The following KDELR2 variants were observed in gnomAD, a reference collection of about 807,000 sequenced individuals.
KDELR2 encodes ER lumen protein-retaining receptor 2.
Under a neutral mutation model 23.9 loss-of-function variants are expected in KDELR2, and 15 were observed. That is an observed-to-expected ratio of 0.63 (90% CI 0.42 to 0.97). The LOEUF (loss-of-function observed/expected upper bound fraction) is 0.97. Among genes scored for constraint, KDELR2 ranks in the 50% least tolerant of loss-of-function variants. The pLI, the probability that KDELR2 is intolerant of heterozygous loss-of-function variation, is 0.00. For missense variants in KDELR2, 272 were observed against 254.6 expected (o/e 1.07, Z -0.46); for synonymous variants, 119 against 106.2 (o/e 1.12, Z -0.74).
At chr7:6,464,016 G>C (rs1785443663) in intron 4 of KDELR2, among the ~76,000 whole-genome samples, 1 of 123,316 alleles carries the variant, frequency 8.1e-6, no homozygotes, top group South Asian at 2.5e-4. Context: ...GACCAACATA[G>C]AGAAACTCCA....
At chr7:6,464,273 T>C (rs1269966756) in intron 4 of KDELR2, among the ~76,000 whole-genome samples, 2 of 104,476 alleles carry the variant, frequency 1.9e-5, no homozygotes, top group Non-Finnish European at 3.7e-5. Flanking sequence ...GTAATCCCAA[T>C]ACTTTGGGAG....
intron 4 of KDELR2, 42 bp downstream of exon 4, chr7:6,466,028 GA>G: frequency 6.2e-7 from 1 of 1,602,772 alleles, no homozygotes; most frequent in Non-Finnish European, 8.5e-7. Flanking sequence ...ACTCCTAAAA[GA>G]ACACGTCACT....
intron 1 of KDELR2, among the ~76,000 whole-genome samples, chr7:6,477,840 G>A (rs867327477): frequency 2.6e-5 from 4 of 152,096 alleles, no homozygotes; most frequent in East Asian, 1.9e-4. Context: ...ATGAGGTGAC[G>A]GAAATAACTA....
At chr7:6,469,294 C>T (rs1785575246) in intron 3 of KDELR2, among the ~76,000 whole-genome samples, 1 of 151,990 alleles carries the variant, frequency 6.6e-6, no homozygotes, top group Non-Finnish European at 1.5e-5. Flanking sequence ...CTTGCTCTGT[C>T]ACCCAGGCTG....
Position 6,463,046 on chromosome 7 carries a change from T to C in KDELR2, c.*95A>G. ...CTATCTGCAACAAAAGAGTTAAGTTTCTGATTTTCCGTATCAAGCATCTTA... is the reference window on the plus strand; with the variant it reads ...CTATCTGCAACAAAAGAGTTAAGTTCCTGATTTTCCGTATCAAGCATCTTA... On this transcript the variant is annotated 3_prime_UTR_variant, in exon 5 of 5. Coordinates refer to ENST00000258739, the MANE Select transcript of KDELR2 (RefSeq NM_006854.4). 1.2e-6 allele frequency: 2 copies of C among 1,614,212 alleles called. No individual in the cohort carries two copies. The highest frequency in any genetic ancestry group is 1.7e-6 in the Non-Finnish European group (2 of 1,180,028).
At chr7:6,464,734 CTTTTTTTT>C (rs201529691) in intron 4 of KDELR2, among the ~76,000 whole-genome samples, 3 of 111,232 alleles carry the variant, frequency 2.7e-5, no homozygotes, top group African/African-American at 9.8e-5. Context: ...TCTTTTTTTT[CTTTTTTTT>C]TTTTTTTTTT....
At chr7:6,482,650 A>T (rs1482520017) in intron 1 of KDELR2, 1 of 458,898 alleles carries the variant, frequency 2.2e-6, no homozygotes, top group Non-Finnish European at 4.5e-6. Context: ...TTTAGAAATA[A>T]ATCAGGTAAA....
chr7:6,483,845 G>T, intron 1 of KDELR2, 122 bp downstream of exon 1: 1 of 748,772 alleles, frequency 1.3e-6, no homozygotes, highest in Non-Finnish European at 1.8e-6. Flanking sequence ...CGTTAGGCCG[G>T]CCGAGGGGGT....
chr7:6,483,098 G>A (rs549217456), intron 1 of KDELR2, among the ~76,000 whole-genome samples: 1 of 152,172 alleles, frequency 6.6e-6, no homozygotes, highest in African/African-American at 2.4e-5. Context: ...GGAAAGACTC[G>A]TTTCACTGCC....
chr7:6,481,522 T>C (rs1217022167), intron 1 of KDELR2, among the ~76,000 whole-genome samples: 1 of 151,886 alleles, frequency 6.6e-6, no homozygotes, highest in Non-Finnish European at 1.5e-5. Flanking sequence ...TGGAAGAAAA[T>C]GAAGAGACTC....
In KDELR2 at chr7:6,465,415, C is replaced by T. The variant is rs146260853; in HGVS notation, c.604+656G>A. ...AGCCAGGATGGTCTCGATCTCCTGA[C>T]CTCATGATCCGCCCGCCTCGGCCTC... On this transcript the variant is annotated intron_variant, in intron 4 of 4. Transcript: ENST00000258739. Among the ~76,000 whole-genome samples, 7 of 151,592 alleles carry T rather than the reference C, an allele frequency of 4.6e-5. No individual in the cohort carries two copies. In the East Asian group the frequency reaches 7.8e-4, roughly 17 times the overall value.
chr7:6,467,472 C>T (rs1337868135), intron 3 of KDELR2, among the ~76,000 whole-genome samples: 1 of 152,076 alleles, frequency 6.6e-6, no homozygotes, highest in East Asian at 1.9e-4. Context: ...TTTAAAAGTC[C>T]AGGCATGGCT....
intron 4 of KDELR2, among the ~76,000 whole-genome samples, chr7:6,464,475 C>T (rs113908625): frequency 0.16 from 24,114 of 151,632 alleles, 2,420 homozygotes; most frequent in Non-Finnish European, 0.21. Context: ...GCCGAGATTG[C>T]GCCACTGCAC....
intron 2 of KDELR2, among the ~76,000 whole-genome samples, chr7:6,471,812 G>A (rs1461985696): frequency 2.0e-5 from 3 of 152,154 alleles, no homozygotes; most frequent in African/African-American, 4.8e-5. Flanking sequence ...GAACATTTGC[G>A]TACAAGTGTT....
rs1216918139 is a variant in KDELR2, at chr7:6,481,760, C to A, written c.91+2207G>T. 3.3e-5 allele frequency among the ~76,000 whole-genome samples: 5 copies of A among 152,124 alleles called. No individual in the cohort carries two copies. The East Asian group carries it at 5.8e-4, about 18-fold the overall frequency. ...ACAAACAAACAAACAAACAAAAAAACTAACATCATCTGAGTGTAACAAAAA... is the reference window on the plus strand; with the variant it reads ...ACAAACAAACAAACAAACAAAAAAAATAACATCATCTGAGTGTAACAAAAA... On this transcript the variant is annotated intron_variant, in intron 1 of 4. Coordinates refer to ENST00000258739, the MANE Select transcript of KDELR2 (RefSeq NM_006854.4).
chr7:6,477,233 C>A (rs553592874), intron 1 of KDELR2, among the ~76,000 whole-genome samples: 31 of 147,942 alleles, frequency 2.1e-4, no homozygotes, highest in Non-Finnish European at 4.0e-4. Flanking sequence ...GACAGCCTTG[C>A]TGGAAATCTG....
At chr7:6,478,659 T>C (rs1375467769) in intron 1 of KDELR2, among the ~76,000 whole-genome samples, 1 of 152,216 alleles carries the variant, frequency 6.6e-6, no homozygotes, top group Admixed American at 6.5e-5. Context: ...CTATTCTGAA[T>C]TAAGAAATCA....
At chr7:6,474,018 C>T (rs1785705636) in intron 2 of KDELR2, 166 bp downstream of exon 2, 1 of 490,540 alleles carries the variant, frequency 2.0e-6, no homozygotes, top group Admixed American at 3.7e-5. Flanking sequence ...CTCGTTTAGT[C>T]CCAGTTATAT....
Position 6,463,089 on chromosome 7 carries a change from G to T in KDELR2, c.*52C>A, listed in dbSNP as rs747225007. Reference sequence around the variant, plus strand: ...GCATCTTATGCCTTTGCTGTGGTAAGAATTCTGTCCGAGCACCCTGAAGGA... The same window carrying T: ...GCATCTTATGCCTTTGCTGTGGTAATAATTCTGTCCGAGCACCCTGAAGGA... On this transcript the variant is annotated 3_prime_UTR_variant, in exon 5 of 5. Transcript: ENST00000258739. 4.3e-6 allele frequency: 7 copies of T among 1,614,162 alleles called. No individual in the cohort carries two copies. In the Admixed American group the frequency reaches 1.2e-4, roughly 27 times the overall value.
Sources: gnomAD v4.1 joint callset for allele counts (sites outside exome capture counted in the v4.1 genomes callset) on GRCh38, gnomAD v4.1.1 for gene constraint, MANE v1.5 for transcripts, NCBI Gene and HGNC (gene_info 2026-07-23, HGNC 2026-07-21) for gene names.